CFAP100: variants seen among roughly 807,000 people sequenced by gnomAD.
The protein encoded by CFAP100 is cilia- and flagella-associated protein 100.
In CFAP100, 70 loss-of-function variants were observed where a neutral mutation model predicts 81.5. The observed-to-expected ratio is 0.86, with a 90% CI of 0.71 to 1.05. The LOEUF (loss-of-function observed/expected upper bound fraction) is 1.05. Ranked by LOEUF, CFAP100 falls within the 50% of genes least tolerant of loss-of-function variation. CFAP100 has a pLI of 0.00. For missense variants in CFAP100, 811 were observed against 776.5 expected (o/e 1.04, Z -0.53); for synonymous variants, 341 against 314.8 (o/e 1.08, Z -0.88).
At chr3:126,398,042 A>G (rs1179044243) in intron 2 of CFAP100, among the ~76,000 whole-genome samples, 2 of 152,226 alleles carry the variant, frequency 1.3e-5, no homozygotes, top group Non-Finnish European at 2.9e-5. Context: ...CGGGAGGACT[A>G]TTGGCCTCTG....
Position 126,419,822 on chromosome 3 carries a change from G to A in CFAP100, c.913+4G>A. ...AACTCCACACCAGGGGACAAAGGTA[G>A]CAGAAAAGAGAATGTGGGTTCCCAG... On this transcript the variant is annotated splice_donor_region_variant and intron_variant, in intron 9 of 16. Coordinates refer to ENST00000352312, the MANE Select transcript of CFAP100 (RefSeq NM_182628.3). The A allele has an allele frequency of 6.2e-7, 1 of 1,613,246 alleles. No homozygotes were observed. Among genetic ancestry groups the A allele is most frequent in the Non-Finnish European group, 8.5e-7 (1 of 1,179,816 alleles).
chr3:126,404,085 A>T (rs1239752062), intron 2 of CFAP100, among the ~76,000 whole-genome samples: 1 of 152,252 alleles, frequency 6.6e-6, no homozygotes, highest in Non-Finnish European at 1.5e-5. Context: ...GGCAAAGGAT[A>T]CTAATAGAAT....
Position 126,436,323 on chromosome 3 carries a change from C to G in CFAP100, c.1755C>G (p.Pro585=). 1 of 1,614,028 alleles carries G rather than the reference C, an allele frequency of 6.2e-7. No homozygotes were observed. Among genetic ancestry groups the G allele is most frequent in the Non-Finnish European group, 8.5e-7 (1 of 1,179,926 alleles). The change falls in exon 17 of 17, where the codon CCC becomes CCG. Residue 585 remains proline (P), a synonymous_variant. Coordinates refer to ENST00000352312, the MANE Select transcript of CFAP100 (RefSeq NM_182628.3). Reference sequence around the variant, plus strand: ...GGACACTGGTATGCCGCTCACGACCCCCAGCCCACAGGATCAAACAACAGT... The same window carrying G: ...GGACACTGGTATGCCGCTCACGACCGCCAGCCCACAGGATCAAACAACAGT... ...RGRTLVCRSR[P]PAHRIKQQSE...
intron 13 of CFAP100, among the ~76,000 whole-genome samples, chr3:126,432,232 T>C (rs35209489): frequency 0.093 from 13,165 of 141,674 alleles, 728 homozygotes; most frequent in African/African-American, 0.14. Context: ...TGAGCCGAGA[T>C]TGTGACACTG....
At position 126,433,151 on chromosome 3, in the gene CFAP100, C is replaced by A. The variant is rs1933297314; in HGVS notation, c.1369C>A (p.Leu457Met). The A allele has an allele frequency of 1.9e-6, 3 of 1,614,104 alleles. No homozygotes were observed. Among genetic ancestry groups the A allele is most frequent in the South Asian group, 2.2e-5 (2 of 91,090 alleles). Residue 457 changes from leucine to methionine, a missense_variant, in exon 14 of 17, where the codon CTG becomes ATG. Leu to Met is a conservative substitution (Grantham distance 15, BLOSUM62 2). Transcript: ENST00000352312. ...CAAGGAGGAGGACACAGCAGCTGAGCTGGAGCTCAAAGCCCGAGTCTTCCA... is the reference window on the plus strand; with the variant it reads ...CAAGGAGGAGGACACAGCAGCTGAGATGGAGCTCAAAGCCCGAGTCTTCCA... ...ITKEEDTAAE[L>M]ELKARVFHFG...
chr3:126,396,157 T>C (rs1198909757), intron 2 of CFAP100, 108 bp downstream of exon 2: 17 of 836,796 alleles, frequency 2.0e-5, no homozygotes, highest in Admixed American at 7.4e-5. Context: ...TAGGCAGGAG[T>C]CATAGATCTG....
At chr3:126,429,107 C>CAAAA (rs57773311) in intron 13 of CFAP100, among the ~76,000 whole-genome samples, 2 of 95,758 alleles carry the variant, frequency 2.1e-5, no homozygotes, top group African/African-American at 4.1e-5. Flanking sequence ...CGTCTCCATC[C>CAAAA]AAAAAAAAAA....
chr3:126,418,378 G>A (rs2083274851), intron 5 of CFAP100, 80 bp from the exon 6 acceptor site: 4 of 1,319,622 alleles, frequency 3.0e-6, no homozygotes, highest in Non-Finnish European at 4.4e-6. Flanking sequence ...GCAGCCGGTG[G>A]AAGGCTCCTC....
Position 126,420,207 on chromosome 3 carries a change from T to C in CFAP100, c.1060T>C (p.Ser354Pro). The change falls in exon 11 of 17, where the codon TCC becomes CCC. Residue 354 changes from serine (S) to proline (P), a missense_variant. Transcript: ENST00000352312. ...CCAGCAAGGCAGCCAGCCCAGCGAG[T>C]CCAGCGGTGGCGACTCCAGAGGGTG... is the stretch of plus-strand genomic sequence containing the variant. ...SPQQGSQPSE[S>P]SGGDSRGSNS... 6.2e-7 allele frequency: 1 copy of C among 1,612,466 alleles called. No individual in the cohort carries two copies. The highest frequency in any genetic ancestry group is 8.5e-7 in the Non-Finnish European group (1 of 1,179,994).
chr3:126,400,920 C>A (rs1001221528), intron 2 of CFAP100, among the ~76,000 whole-genome samples: 1 of 152,138 alleles, frequency 6.6e-6, no homozygotes, highest in Non-Finnish European at 1.5e-5. Context: ...AATAGCCAAG[C>A]GGTGGAAGCC....
At chr3:126,415,249 G>A (rs1038397148) in intron 4 of CFAP100, among the ~76,000 whole-genome samples, 3 of 150,832 alleles carry the variant, frequency 2.0e-5, no homozygotes, top group Non-Finnish European at 4.4e-5. Context: ...CAGGGTCACC[G>A]AACCCCAACC....
chr3:126,428,368 TAAAG>T (rs57765228), intron 13 of CFAP100, among the ~76,000 whole-genome samples: 34,552 of 151,828 alleles, frequency 0.23, 4,100 homozygotes, highest in East Asian at 0.36. Flanking sequence ...GAGAGAGGGA[TAAAG>T]AGAGAGAAAG....
At chr3:126,418,039 G>A (rs532600590) in intron 5 of CFAP100, 64 of 172,356 alleles carry the variant, frequency 3.7e-4, no homozygotes, top group Admixed American at 4.9e-4. Flanking sequence ...CAGTTTGCTC[G>A]GGGGGCTTAG....
At chr3:126,413,501 C>T (rs965011258) in intron 3 of CFAP100, among the ~76,000 whole-genome samples, 2 of 152,234 alleles carry the variant, frequency 1.3e-5, no homozygotes, top group Non-Finnish European at 2.9e-5. Context: ...CTGGCATCAG[C>T]TCCGTCTCTG....
chr3:126,434,450 G>GC (rs1485767851), intron 15 of CFAP100, 69 bp downstream of exon 15: 4 of 1,476,194 alleles, frequency 2.7e-6, no homozygotes, highest in Non-Finnish European at 3.7e-6. Context: ...GCACATACAG[G>GC]CCCCACCCTC....
intron 1 of CFAP100, 144 bp from the exon 2 acceptor site, chr3:126,395,798 G>A (rs1434259417): frequency 3.4e-6 from 2 of 593,960 alleles, no homozygotes; most frequent in Non-Finnish European, 3.0e-6. Flanking sequence ...GGTGAGAGTG[G>A]ACCCTCGGGT....
chr3:126,428,794 C>A (rs1034460081), intron 13 of CFAP100, among the ~76,000 whole-genome samples: 1 of 152,118 alleles, frequency 6.6e-6, no homozygotes, highest in Non-Finnish European at 1.5e-5. Flanking sequence ...CCCTCCTCTT[C>A]CGTTTCTGGA....
At position 126,418,729 on chromosome 3, in the gene CFAP100, A is replaced by G; in HGVS notation, c.605A>G (p.Glu202Gly). 2 of 1,597,264 alleles carry G rather than the reference A, an allele frequency of 1.3e-6. No individual in the cohort carries two copies. The highest frequency in any genetic ancestry group is 1.7e-6 in the Non-Finnish European group (2 of 1,172,480). ...SLEKDAALFD[E>G]FVRENDCSSV... ...GAGAAGGACGCCGCCTTGTTCGACG[A>G]GTTCGTCAGGGAGAATGACTGCAGC... The change falls in exon 7 of 17, where the codon GAG becomes GGG. Residue 202 changes from glutamate to glycine, a missense_variant. Transcript: ENST00000352312.
chr3:126,422,436 C>T (rs530167695), intron 11 of CFAP100, among the ~76,000 whole-genome samples: 45 of 152,294 alleles, frequency 3.0e-4, no homozygotes, highest in Non-Finnish European at 5.6e-4. Flanking sequence ...CAGGGGCTGG[C>T]ATCTCCAAGC....
Sources: gnomAD v4.1 joint callset for allele counts (sites outside exome capture counted in the v4.1 genomes callset) on GRCh38, gnomAD v4.1.1 for gene constraint, MANE v1.5 for transcripts, NCBI Gene and HGNC (gene_info 2026-07-23, HGNC 2026-07-21) for gene names.